Variants in CDC42SE2 observed in about 807,000 individuals in gnomAD.
The protein encoded by CDC42SE2 is CDC42 small effector 2.
CDC42SE2 carries 3 observed loss-of-function variants against 11.5 expected under a neutral mutation model. The observed-to-expected ratio is 0.26, with a 90% CI of 0.12 to 0.67. The LOEUF (loss-of-function observed/expected upper bound fraction) is 0.67, where lower values mean the gene tolerates loss of function less well. Ranked by LOEUF, CDC42SE2 falls within the 30% of genes least tolerant of loss-of-function variation. The pLI is 0.80. For synonymous variants in CDC42SE2, 33 were observed against 34.8 expected, an observed-to-expected ratio of 0.95 and a Z score of 0.18; for missense variants, 82 against 106.8, an observed-to-expected ratio of 0.77 and a Z score of 1.02.
the CDC42SE2 span, among the ~76,000 whole-genome samples, chr5:131,213,328 G>A: frequency 0.075 from 11,427 of 152,214 alleles, 903 homozygotes; most frequent in African/African-American, 0.2. Flanking sequence ...AATATTGGAG[G>A]AAATTAAAAT....
At chr5:131,248,627 A>G (rs751081047) in intron 1 of CDC42SE2, among the ~76,000 whole-genome samples, 42 of 152,324 alleles carry the variant, frequency 2.8e-4, no homozygotes, top group Admixed American at 1.4e-3. Context: ...AAGATATCTG[A>G]TGTGAAACAA....
At chr5:131,341,450 A>G (rs1404351821) in intron 2 of CDC42SE2, among the ~76,000 whole-genome samples, 1 of 152,234 alleles carries the variant, frequency 6.6e-6, no homozygotes, top group Non-Finnish European at 1.5e-5. Flanking sequence ...CGATCAATCA[A>G]ATATCAAATG....
chr5:131,345,292 T>C (rs1017877213), intron 2 of CDC42SE2, among the ~76,000 whole-genome samples: 2 of 151,938 alleles, frequency 1.3e-5, no homozygotes, highest in East Asian at 1.9e-4. Flanking sequence ...AGAAAAACAG[T>C]GTAGAGAAGT....
chr5:131,266,637 A>G (rs1198944873), intron 1 of CDC42SE2, among the ~76,000 whole-genome samples: 1 of 151,630 alleles, frequency 6.6e-6, no homozygotes, highest in African/African-American at 2.4e-5. Flanking sequence ...TTGTATTTTC[A>G]AAAAGAGACG....
the CDC42SE2 span, among the ~76,000 whole-genome samples, chr5:131,220,884 C>CTT: frequency 0.2 from 25,223 of 128,894 alleles, 3,615 homozygotes; most frequent in African/African-American, 0.39. Flanking sequence ...CACCAGAAAC[C>CTT]TTTTTTTTTT....
chr5:131,379,850 G>A (rs1275407702), intron 3 of CDC42SE2, among the ~76,000 whole-genome samples: 1 of 152,164 alleles, frequency 6.6e-6, no homozygotes, highest in African/African-American at 2.4e-5. Flanking sequence ...AGAGCAGAGT[G>A]CACCATTTCC....
the CDC42SE2 span, among the ~76,000 whole-genome samples, chr5:131,219,449 G>C: frequency 1.3e-5 from 2 of 151,980 alleles, no homozygotes; most frequent in African/African-American, 4.8e-5. Flanking sequence ...ATAAAATTCT[G>C]ACCCTTTAAA....
intron 1 of CDC42SE2, among the ~76,000 whole-genome samples, chr5:131,300,653 G>A (rs1451268354): frequency 1.3e-5 from 2 of 151,906 alleles, no homozygotes; most frequent in African/African-American, 4.8e-5. Flanking sequence ...CGTGGTGGCG[G>A]GTGCCTGTAG....
intron 1 of CDC42SE2, among the ~76,000 whole-genome samples, chr5:131,246,860 C>T (rs925284845): frequency 6.7e-6 from 1 of 150,082 alleles, no homozygotes; most frequent in Non-Finnish European, 1.5e-5. Flanking sequence ...TCTCCTACCT[C>T]AGCCTCCTGA....
intron 1 of CDC42SE2, among the ~76,000 whole-genome samples, chr5:131,264,895 A>G (rs1372407728): frequency 3.9e-5 from 6 of 152,232 alleles, no homozygotes; most frequent in East Asian, 1.9e-4. Flanking sequence ...TTAGCTTGCA[A>G]TTATTTTAAA....
the CDC42SE2 span, among the ~76,000 whole-genome samples, chr5:131,226,152 C>T: frequency 1.3e-5 from 2 of 152,134 alleles, no homozygotes; most frequent in African/African-American, 2.4e-5. Context: ...GGTGGCGAAG[C>T]GAAGTAGTAA....
At chr5:131,213,515 C>T in the CDC42SE2 span, among the ~76,000 whole-genome samples, 8 of 152,116 alleles carry the variant, frequency 5.3e-5, no homozygotes, top group African/African-American at 2.4e-5. Context: ...GTGGCACAGT[C>T]GTGGCTCACT....
the CDC42SE2 span, among the ~76,000 whole-genome samples, chr5:131,210,961 C>T: frequency 6.6e-6 from 1 of 152,198 alleles, no homozygotes; most frequent in East Asian, 1.9e-4. Flanking sequence ...CCTCAGCCTC[C>T]TGAGTAGCTG....
At chr5:131,335,341 A>T (rs1264613802) in intron 2 of CDC42SE2, among the ~76,000 whole-genome samples, 7 of 152,130 alleles carry the variant, frequency 4.6e-5, no homozygotes, top group Admixed American at 4.6e-4. Flanking sequence ...ACAGTTTGTT[A>T]TGATTTCTGT....
chr5:131,338,006 C>G (rs775336207), intron 2 of CDC42SE2, among the ~76,000 whole-genome samples: 7 of 152,244 alleles, frequency 4.6e-5, no homozygotes, highest in Non-Finnish European at 1.0e-4. Flanking sequence ...AACCCGGTAT[C>G]TCAGTTGGAA....
chr5:131,351,356 G>T (rs918098648), intron 2 of CDC42SE2, among the ~76,000 whole-genome samples: 1 of 151,960 alleles, frequency 6.6e-6, no homozygotes, highest in Non-Finnish European at 1.5e-5. Context: ...CCGGGTTCAC[G>T]CCATTCTCTT....
At chr5:131,277,678 T>G (rs1222869078) in intron 1 of CDC42SE2, among the ~76,000 whole-genome samples, 1 of 152,212 alleles carries the variant, frequency 6.6e-6, no homozygotes, top group African/African-American at 2.4e-5. Context: ...ACACTGGTTG[T>G]TTCCTTTGTT....
rs1750742827 is a variant in CDC42SE2, at chr5:131,393,647, T to C, written c.*2556T>C. On this transcript the variant is annotated 3_prime_UTR_variant, in exon 5 of 5. Coordinates refer to ENST00000505065, the MANE Select transcript of CDC42SE2 (RefSeq NM_001375635.1). Reference sequence around the variant, plus strand: ...GTGTGCAAGCTCTTTAGAAGAGAGATTGGATTTTCTTGGCATTATCAGCAC... The same window carrying C: ...GTGTGCAAGCTCTTTAGAAGAGAGACTGGATTTTCTTGGCATTATCAGCAC... The C allele has an allele frequency of 6.6e-6, 1 of 152,322 alleles. No individual in the cohort carries two copies. Among genetic ancestry groups the C allele is most frequent in the Non-Finnish European group, 1.5e-5 (1 of 68,038 alleles). 9.4% of individuals were successfully genotyped at this position (152,322 alleles called of 1,614,324 possible).
chr5:131,267,632 A>G (rs1016722944), intron 1 of CDC42SE2, among the ~76,000 whole-genome samples: 3 of 152,204 alleles, frequency 2.0e-5, no homozygotes, highest in Non-Finnish European at 4.4e-5. Context: ...TGATACTAAC[A>G]TGGCATATTG....
Sources: allele counts gnomAD v4.1 joint callset (sites outside exome capture counted in the v4.1 genomes callset), GRCh38; gene constraint gnomAD v4.1.1; transcripts MANE v1.5; gene names NCBI Gene and HGNC (gene_info 2026-07-23, HGNC 2026-07-21).